The following PALM2AKAP2 variants were observed in gnomAD, a reference collection of about 807,000 sequenced individuals.
PALM2AKAP2 encodes PALM2 and AKAP2 fusion.
PALM2AKAP2 carries 37 observed loss-of-function variants against 71.5 expected under a neutral mutation model. That is an observed-to-expected ratio of 0.52 (90% CI 0.40 to 0.68). The LOEUF (loss-of-function observed/expected upper bound fraction) is 0.68, where lower values mean the gene tolerates loss of function less well. PALM2AKAP2 is among the 30% of genes least tolerant of loss of function. The pLI is 0.00. For missense variants in PALM2AKAP2, 1,224 were observed against 1,191.8 expected, an observed-to-expected ratio of 1.03 and a Z score of -0.40; for synonymous variants, 468 against 478.8, an observed-to-expected ratio of 0.98 and a Z score of 0.29.
chr9:110,026,992 G>A (rs1027413019), intron 7 of PALM2AKAP2, among the ~76,000 whole-genome samples: 4 of 152,100 alleles, frequency 2.6e-5, no homozygotes, highest in Non-Finnish European at 4.4e-5. Flanking sequence ...GCAGTGAGCC[G>A]AGATCGCGCC....
chr9:109,766,388 A>G (rs1389986612), intron 1 of PALM2AKAP2, among the ~76,000 whole-genome samples: 2 of 152,180 alleles, frequency 1.3e-5, no homozygotes, highest in Admixed American at 1.3e-4. Context: ...AGACTGGGCA[A>G]GGGAGGGGTA....
chr9:109,667,837 CTATAGCTCAGGA>C (rs921626724), intron 1 of PALM2AKAP2, among the ~76,000 whole-genome samples: 6 of 151,744 alleles, frequency 4.0e-5, no homozygotes, highest in Admixed American at 3.9e-4. Flanking sequence ...AACCAGAAGC[CTATAGCTCAGGA>C]TAGGTTAGTT....
chr9:109,739,746 G>A (rs888362791), intron 1 of PALM2AKAP2, among the ~76,000 whole-genome samples: 1 of 152,170 alleles, frequency 6.6e-6, no homozygotes, highest in African/African-American at 2.4e-5. Flanking sequence ...CTAGTTCTGA[G>A]TGGCCATGAT....
At chr9:110,000,022 T>C (rs1238970494) in intron 6 of PALM2AKAP2, among the ~76,000 whole-genome samples, 1 of 152,278 alleles carries the variant, frequency 6.6e-6, no homozygotes, top group East Asian at 1.9e-4. Context: ...TTTCTTTTTT[T>C]AATTATACTT....
chr9:110,053,553 AAAAGAAAG>A (rs1358693893), intron 1 of PALM2AKAP2, among the ~76,000 whole-genome samples: 1 of 151,058 alleles, frequency 6.6e-6, no homozygotes, highest in African/African-American at 2.4e-5. Context: ...AAAAAAGAAA[AAAAGAAAG>A]AAAGAAAGAA....
chr9:110,109,634 C>T (rs748422226), intron 1 of PALM2AKAP2, among the ~76,000 whole-genome samples: 6 of 152,066 alleles, frequency 3.9e-5, no homozygotes, highest in African/African-American at 1.4e-4. Context: ...CTAATTCTGC[C>T]GCGGTATGGG....
At chr9:109,960,338 A>G (rs537673789) in intron 6 of PALM2AKAP2, among the ~76,000 whole-genome samples, 2 of 152,214 alleles carry the variant, frequency 1.3e-5, no homozygotes, top group Non-Finnish European at 2.9e-5. Flanking sequence ...CTGACCCTTC[A>G]GTGGGGCTCC....
At chr9:109,856,744 A>G (rs1454120054) in intron 1 of PALM2AKAP2, among the ~76,000 whole-genome samples, 1 of 152,220 alleles carries the variant, frequency 6.6e-6, no homozygotes, top group Non-Finnish European at 1.5e-5. Context: ...TAAAAAATGA[A>G]TATAGATCAG....
At chr9:110,010,323 A>G (rs1832856859) in intron 6 of PALM2AKAP2, among the ~76,000 whole-genome samples, 1 of 151,910 alleles carries the variant, frequency 6.6e-6, no homozygotes, top group African/African-American at 2.4e-5. Flanking sequence ...CAAAGACATT[A>G]TAAGTAAGAA....
Position 110,167,298 on chromosome 9 carries a change from C to T in PALM2AKAP2, c.2749-1101C>T, listed in dbSNP as rs1836760117. On this transcript the variant is annotated intron_variant, in intron 3 of 3. Transcript: ENST00000374525. ...TTTAGAATGAGCAGTGCCTTCATTG[C>T]AGTTTGCATAATCAACCAATGTTGG... Among the ~76,000 whole-genome samples, 7 of 152,320 alleles carry T rather than the reference C, an allele frequency of 4.6e-5. No homozygotes were observed. The South Asian group carries it at 1.4e-3, about 32-fold the overall frequency.
intron 3 of PALM2AKAP2, among the ~76,000 whole-genome samples, chr9:109,914,103 T>C (rs1482680930): frequency 6.6e-6 from 1 of 152,204 alleles, no homozygotes; most frequent in South Asian, 2.1e-4. Flanking sequence ...TCTGCAGTTA[T>C]GTAAACATCC....
intron 6 of PALM2AKAP2, among the ~76,000 whole-genome samples, chr9:109,998,146 T>G (rs544149319): frequency 1.3e-5 from 2 of 152,312 alleles, no homozygotes; most frequent in African/African-American, 4.8e-5. Context: ...AGCAAGATGA[T>G]TCCCCAGTGG....
At chr9:109,935,092 C>A (rs1359205963) in intron 6 of PALM2AKAP2, among the ~76,000 whole-genome samples, 2 of 152,184 alleles carry the variant, frequency 1.3e-5, no homozygotes, top group Non-Finnish European at 2.9e-5. Context: ...ACGCGCAGTT[C>A]CTCCATCCTC....
intron 7 of PALM2AKAP2, among the ~76,000 whole-genome samples, chr9:110,029,392 A>T (rs559103334): frequency 6.6e-6 from 1 of 152,310 alleles, no homozygotes; most frequent in African/African-American, 2.4e-5. Flanking sequence ...CCTACTTGGT[A>T]AAATCCCCTA....
intron 1 of PALM2AKAP2, among the ~76,000 whole-genome samples, chr9:109,770,590 C>A (rs73654549): frequency 0.011 from 1,618 of 152,250 alleles, 27 homozygotes; most frequent in African/African-American, 0.037. Context: ...CCTTGGATTG[C>A]AAATTTTACA....
At chr9:109,678,456 T>C (rs1249860946) in intron 1 of PALM2AKAP2, among the ~76,000 whole-genome samples, 1 of 152,252 alleles carries the variant, frequency 6.6e-6, no homozygotes, top group Non-Finnish European at 1.5e-5. Flanking sequence ...AGAATGGATT[T>C]AAAAATTGTC....
intron 1 of PALM2AKAP2, among the ~76,000 whole-genome samples, chr9:109,708,779 G>A (rs571316059): frequency 1.3e-5 from 2 of 152,300 alleles, no homozygotes; most frequent in African/African-American, 4.8e-5. Context: ...ATGAGGTTCT[G>A]CTTGCTTCCT....
intron 1 of PALM2AKAP2, among the ~76,000 whole-genome samples, chr9:110,049,148 G>C (rs1320130622): frequency 6.6e-6 from 1 of 152,164 alleles, no homozygotes; most frequent in Non-Finnish European, 1.5e-5. Context: ...ACTAAACGCA[G>C]GACTCCGCTT....
At chr9:110,042,154 C>G (rs867729447) in intron 7 of PALM2AKAP2, among the ~76,000 whole-genome samples, 1 of 152,110 alleles carries the variant, frequency 6.6e-6, no homozygotes, top group Admixed American at 6.5e-5. Flanking sequence ...GGGCCGGATG[C>G]GGTGGCTCAG....
Sources: gnomAD v4.1 joint callset for allele counts (sites outside exome capture counted in the v4.1 genomes callset) on GRCh38, gnomAD v4.1.1 for gene constraint, MANE v1.5 for transcripts, NCBI Gene and HGNC (gene_info 2026-07-23, HGNC 2026-07-21) for gene names.